Variants in SLC35D1 observed in about 807,000 individuals in gnomAD.
SLC35D1 encodes nucleotide sugar transporter SLC35D1.
In SLC35D1, 31 loss-of-function variants were observed where a neutral mutation model predicts 46.7. The observed-to-expected ratio is 0.66, with a 90% CI of 0.50 to 0.90. SLC35D1 has a LOEUF of 0.90. Among genes scored for constraint, SLC35D1 ranks in the 40% least tolerant of loss-of-function variants. The pLI is 0.00. For synonymous variants in SLC35D1, 195 were observed against 164.6 expected (o/e 1.18, Z -1.41); for missense variants, 397 against 426.2 (o/e 0.93, Z 0.60).
At chr1:66,978,326 A>G in the SLC35D1 span, among the ~76,000 whole-genome samples, 2 of 152,306 alleles carry the variant, frequency 1.3e-5, no homozygotes, top group African/African-American at 2.4e-5. Context: ...TAGAAGGTCA[A>G]ATGCTCTAAA....
In SLC35D1 at chr1:66,999,739, A is replaced by G. The variant is rs1049432564; in HGVS notation, c.*4601T>C. 1.3e-5 allele frequency: 2 copies of G among 152,150 alleles called. No homozygotes were observed. The highest frequency in any genetic ancestry group is 2.4e-5 in the African/African-American group (1 of 41,446). 9.4% of individuals were successfully genotyped at this position (152,150 alleles called of 1,614,324 possible). Reference sequence around the variant, plus strand: ...AAACTATATCCTCATGCCATGAAGCAGCATCCTGAAAGTAAGACCTAGAAG... The same window carrying G: ...AAACTATATCCTCATGCCATGAAGCGGCATCCTGAAAGTAAGACCTAGAAG... On this transcript the variant is annotated 3_prime_UTR_variant, in exon 12 of 12. Coordinates refer to ENST00000235345, the MANE Select transcript of SLC35D1 (RefSeq NM_015139.3).
chr1:66,985,465 A>G, the SLC35D1 span: 1 of 983,626 alleles, frequency 1.0e-6, no homozygotes, highest in Non-Finnish European at 1.2e-6. Flanking sequence ...GTTTAAAAAT[A>G]AACCAGGTCA....
the SLC35D1 span, chr1:66,986,379 A>G: frequency 7.5e-6 from 12 of 1,606,366 alleles, no homozygotes; most frequent in Non-Finnish European, 1.0e-5. Context: ...TAAAATATTA[A>G]TTATTCTTGT....
chr1:67,050,434 T>G lies in SLC35D1; in HGVS notation c.463A>C (p.Lys155Gln). The G allele has an allele frequency of 2.5e-6, 4 of 1,611,124 alleles. No individual in the cohort carries two copies. Among genetic ancestry groups the G allele is most frequent in the Non-Finnish European group, 3.4e-6 (4 of 1,177,510 alleles). Residue 155 changes from lysine to glutamine, a missense_variant and splice_region_variant, in exon 5 of 12, where the codon AAG becomes CAG. By Grantham distance (53) the Lys-to-Gln change is moderately conservative. Transcript: ENST00000235345. ...AGATATATTAGAAACTTAGCTCACT[T>G]GAGTAAAACTCCTTCAGCAAACATT... The part of the protein sequence containing the change: ...FTMFAEGVLL[K>Q]KTFSWGIKMT...
Position 67,009,073 on chromosome 1 carries a change from AT to A in SLC35D1, c.959+11del. Reference sequence around the variant, plus strand: ...TTCCGATTTTGCAATTTAATTAAATATTTTTACTTACCTGATATTTAAACCA... The same window carrying A: ...TTCCGATTTTGCAATTTAATTAAATATTTTACTTACCTGATATTTAAACCA... On this transcript the variant is annotated intron_variant, in intron 11 of 11. Transcript: ENST00000235345. 2 of 1,328,160 alleles carry A rather than the reference AT, an allele frequency of 1.5e-6. No individual in the cohort carries two copies. Among genetic ancestry groups the A allele is most frequent in the Non-Finnish European group, 2.2e-6 (2 of 924,552 alleles). 82.3% of individuals were successfully genotyped at this position (1,328,160 alleles called of 1,614,324 possible).
chr1:67,013,821 T>C (rs1667625874), intron 10 of SLC35D1, among the ~76,000 whole-genome samples: 1 of 152,178 alleles, frequency 6.6e-6, no homozygotes, highest in Non-Finnish European at 1.5e-5. Context: ...TAGTAAACGA[T>C]TATTACTACA....
chr1:66,986,606 C>T, the SLC35D1 span: 1 of 722,952 alleles, frequency 1.4e-6, no homozygotes, highest in Admixed American at 2.6e-5. Context: ...TGCTTCCCTT[C>T]ACCAATGTGA....
the SLC35D1 span, among the ~76,000 whole-genome samples, chr1:66,975,583 C>T: frequency 1.3e-5 from 2 of 151,886 alleles, no homozygotes; most frequent in Non-Finnish European, 2.9e-5. Flanking sequence ...TATACATCAG[C>T]CCTAAATCCT....
At chr1:67,048,668 T>C (rs1384575798) in intron 6 of SLC35D1, among the ~76,000 whole-genome samples, 1 of 152,172 alleles carries the variant, frequency 6.6e-6, no homozygotes, top group African/African-American at 2.4e-5. Flanking sequence ...ATGGAAAACA[T>C]ATGTCTGGCA....
intron 8 of SLC35D1, among the ~76,000 whole-genome samples, chr1:67,026,587 T>G (rs1361666252): frequency 1.3e-5 from 2 of 152,186 alleles, no homozygotes; most frequent in Non-Finnish European, 2.9e-5. Flanking sequence ...GCCTGAAATT[T>G]TATTTTGAGG....
chr1:67,017,959 A>T (rs2815354), intron 10 of SLC35D1, among the ~76,000 whole-genome samples: 127,044 of 152,106 alleles, frequency 0.84, 53,453 homozygotes, highest in African/African-American at 0.91. Context: ...ATAAAACTTT[A>T]TGAAGTTTTA....
chr1:67,049,635 A>G, intron 6 of SLC35D1, 147 bp downstream of exon 6: 2 of 728,310 alleles, frequency 2.7e-6, no homozygotes, highest in South Asian at 1.8e-5. Flanking sequence ...ACAGCCAAAA[A>G]GATTTAACCT....
chr1:67,009,223 A>G (rs978332731), intron 10 of SLC35D1, 56 bp from the exon 11 acceptor site: 3 of 649,446 alleles, frequency 4.6e-6, no homozygotes, highest in Non-Finnish European at 7.8e-6. Context: ...CTTCTTAAAT[A>G]TATATAAAAC....
At chr1:67,031,587 T>C (rs1668019001) in intron 8 of SLC35D1, among the ~76,000 whole-genome samples, 1 of 151,696 alleles carries the variant, frequency 6.6e-6, no homozygotes, top group South Asian at 2.1e-4. Context: ...ATGTTCTCAA[T>C]TTTTTTTTCC....
chr1:67,011,249 T>A (rs926284238), intron 10 of SLC35D1, among the ~76,000 whole-genome samples: 1 of 152,234 alleles, frequency 6.6e-6, no homozygotes, highest in Admixed American at 6.5e-5. Flanking sequence ...CTAGTCTGTC[T>A]TTTGTGAGCT....
chr1:66,987,529 A>T, the SLC35D1 span: 1 of 152,738 alleles, frequency 6.5e-6, no homozygotes, highest in Non-Finnish European at 1.5e-5. Context: ...TATTTGAAGT[A>T]ATATTTAAAT....
the SLC35D1 span, chr1:66,986,193 A>G: frequency 1.6e-6 from 2 of 1,251,708 alleles, no homozygotes; most frequent in Non-Finnish European, 1.0e-6. Context: ...TTCAGATTTG[A>G]TAATGCTTTT....
At chr1:67,048,450 G>A (rs899139984) in intron 6 of SLC35D1, among the ~76,000 whole-genome samples, 1 of 152,198 alleles carries the variant, frequency 6.6e-6, no homozygotes, top group Non-Finnish European at 1.5e-5. Flanking sequence ...TTCTCCAAGG[G>A]GGGAATATGA....
In SLC35D1 at chr1:67,000,259, G is replaced by C. The variant is rs1391017551; in HGVS notation, c.*4081C>G. 1 of 151,288 alleles carries C rather than the reference G, an allele frequency of 6.6e-6. No homozygotes were observed. The highest frequency in any genetic ancestry group is 2.4e-5 in the African/African-American group (1 of 41,286). 9.4% of individuals were successfully genotyped at this position (151,288 alleles called of 1,614,324 possible). A position where few individuals can be genotyped will look rare whatever the true frequency, so the allele number is the denominator to read the frequency against. ...TGATTACGCCATTACACTCCAGCCTGGCTGGCGACAGAGCAAGACCTTCTT... is the reference window on the plus strand; with the variant it reads ...TGATTACGCCATTACACTCCAGCCTCGCTGGCGACAGAGCAAGACCTTCTT... On this transcript the variant is annotated 3_prime_UTR_variant, in exon 12 of 12. Coordinates refer to ENST00000235345, the MANE Select transcript of SLC35D1 (RefSeq NM_015139.3).
Sources: gnomAD v4.1 joint callset for allele counts (sites outside exome capture counted in the v4.1 genomes callset) on GRCh38, gnomAD v4.1.1 for gene constraint, MANE v1.5 for transcripts, NCBI Gene and HGNC (gene_info 2026-07-23, HGNC 2026-07-21) for gene names.